Variants in MED23 observed in about 807,000 individuals in gnomAD.
MED23 encodes mediator complex subunit 23.
MED23 carries 105 observed loss-of-function variants against 163.9 expected under a neutral mutation model. That is an observed-to-expected ratio of 0.64 (90% CI 0.55 to 0.75). The LOEUF is 0.75. MED23 is among the 30% of genes least tolerant of loss of function. The pLI, the probability that MED23 is intolerant of heterozygous loss-of-function variation, is 0.00. For synonymous variants in MED23, 561 were observed against 565.6 expected (o/e 0.99, Z 0.12); for missense variants, 1,054 against 1,649.0 (o/e 0.64, Z 6.25).
At chr6:131,589,963 T>C (rs1774476216) in intron 27 of MED23, among the ~76,000 whole-genome samples, 1 of 152,220 alleles carries the variant, frequency 6.6e-6, no homozygotes, top group African/African-American at 2.4e-5. Context: ...TAGCTCTTGC[T>C]TTAAGGTTCT....
chr6:131,608,123 A>G (rs777467337), intron 11 of MED23, 52 bp from the exon 12 acceptor site: 13 of 1,596,814 alleles, frequency 8.1e-6, no homozygotes, highest in Non-Finnish European at 1.1e-5. Flanking sequence ...AAAGAGATGA[A>G]TACAGGAAGT....
chr6:131,625,904 T>C (rs1777454011), intron 3 of MED23, among the ~76,000 whole-genome samples: 1 of 151,798 alleles, frequency 6.6e-6, no homozygotes, highest in Non-Finnish European at 1.5e-5. Context: ...GGGCAGATCA[T>C]GAGGTCGGGA....
intron 30 of MED23, among the ~76,000 whole-genome samples, chr6:131,580,500 G>A (rs1773863655): frequency 1.3e-5 from 2 of 152,138 alleles, no homozygotes; most frequent in Non-Finnish European, 2.9e-5. Flanking sequence ...AAAAGTAATT[G>A]CAGTTTTTAA....
intron 6 of MED23, among the ~76,000 whole-genome samples, chr6:131,621,165 G>A (rs181306962): frequency 3.3e-5 from 5 of 152,224 alleles, no homozygotes; most frequent in African/African-American, 7.2e-5. Flanking sequence ...AAGTAGAGAT[G>A]TTACTTTCTG....
Position 131,595,985 on chromosome 6 carries a change from G to A in MED23, c.2957C>T (p.Thr986Ile). ...ELLPVSKSLE[T>I]LLDHLGGLYK... is the part of the protein sequence containing the mutation. ...TAAGCCTCCTAGATGATCCAGTAGA[G>A]TCTCCAGTGATTTGGATACCGGAAG... is the stretch of plus-strand genomic sequence containing the variant. The change falls in exon 22 of 29, where the codon ACT becomes ATT. Residue 986 changes from threonine to isoleucine, a missense_variant. Transcript: ENST00000368068. 6.2e-7 allele frequency: 1 copy of A among 1,614,030 alleles called. No homozygotes were observed. Among genetic ancestry groups the A allele is most frequent in the Non-Finnish European group, 8.5e-7 (1 of 1,179,948 alleles).
intron 26 of MED23, among the ~76,000 whole-genome samples, chr6:131,590,984 A>ATT (rs72014572): frequency 7.6e-6 from 1 of 130,886 alleles, no homozygotes; most frequent in Non-Finnish European, 1.7e-5. Flanking sequence ...ATGAAATACA[A>ATT]TTTTTTTTTT....
chr6:131,616,596 A>G (rs1028497757), intron 9 of MED23, among the ~76,000 whole-genome samples: 2 of 152,154 alleles, frequency 1.3e-5, no homozygotes, highest in African/African-American at 4.8e-5. Flanking sequence ...AGATGGGAAG[A>G]TCTCTTGAGC....
rs564496405 is a variant in MED23, at chr6:131,608,076, A to G, written c.1078-5T>C. ...AATCAGTCCTCGCCCTGCTAACTAT[A>G]AAAGATGTTTAAATACACATGTATA... On this transcript the variant is annotated splice_polypyrimidine_tract_variant and splice_region_variant and intron_variant, in intron 11 of 28. Transcript: ENST00000368068. 1 of 1,613,568 alleles carries G rather than the reference A, an allele frequency of 6.2e-7. No homozygotes were observed. The highest frequency in any genetic ancestry group is 1.3e-5 in the African/African-American group (1 of 75,022).
intron 27 of MED23, among the ~76,000 whole-genome samples, chr6:131,590,037 T>C (rs1352990500): frequency 6.6e-6 from 1 of 152,224 alleles, no homozygotes; most frequent in Non-Finnish European, 1.5e-5. Flanking sequence ...TCCATTCTCA[T>C]GATTTTAATT....
Position 131,591,550 on chromosome 6 carries a change from G to C in MED23, c.3472-23C>G, listed in dbSNP as rs543633666. The C allele has an allele frequency of 1.2e-4, 182 of 1,545,206 alleles. 2 individuals are homozygous for C. In the South Asian group the frequency reaches 1.9e-3, roughly 16 times the overall value. ...CTCCTTTAAAATCGGAGGAAAGCTAGTGAAAAATATCACTTATCCAGCATT... is the reference window on the plus strand; with the variant it reads ...CTCCTTTAAAATCGGAGGAAAGCTACTGAAAAATATCACTTATCCAGCATT... On this transcript the variant is annotated intron_variant, in intron 25 of 28. Coordinates refer to ENST00000368068, the MANE Select transcript of MED23 (RefSeq NM_004830.4).
chr6:131,603,313 A>C (rs1775618687), intron 15 of MED23, 109 bp from the exon 16 acceptor site: 10 of 972,428 alleles, frequency 1.0e-5, no homozygotes, highest in Non-Finnish European at 1.5e-5. Context: ...GTGAAAATAC[A>C]CACGCCCACA....
In MED23 at chr6:131,589,447, T is replaced by C; in HGVS notation, c.3939+18A>G. The C allele has an allele frequency of 6.2e-7, 1 of 1,603,344 alleles. No homozygotes were observed. The highest frequency in any genetic ancestry group is 8.5e-7 in the Non-Finnish European group (1 of 1,173,326). On this transcript the variant is annotated intron_variant, in intron 28 of 28. Transcript: ENST00000368068. ...TAAATTAAACATCATTAAAAATAATTAAACAAATTCAACTTACTTGCTCTT... is the reference window on the plus strand; with the variant it reads ...TAAATTAAACATCATTAAAAATAATCAAACAAATTCAACTTACTTGCTCTT...
chr6:131,602,018 T>C (rs911914007), intron 17 of MED23, among the ~76,000 whole-genome samples, 200 bp downstream of exon 17: 1 of 152,210 alleles, frequency 6.6e-6, no homozygotes, highest in Admixed American at 6.5e-5. Flanking sequence ...CTGAAAACGA[T>C]GCTCAACGCA....
chr6:131,618,374 G>T (rs1237195450), intron 9 of MED23, 33 bp downstream of exon 9: 1 of 1,403,564 alleles, frequency 7.1e-7, no homozygotes, highest in Non-Finnish European at 1.0e-6. Flanking sequence ...ACTGTCAGAT[G>T]GACTAAAAGT....
chr6:131,583,226 AAAGT>A, downstream of MED23: 1 of 1,597,218 alleles, frequency 6.3e-7, no homozygotes, highest in African/African-American at 1.3e-5. Flanking sequence ...ACTGACAACC[AAAGT>A]TATTAATAAA....
At chr6:131,619,316 T>C (rs1212325576) in intron 8 of MED23, among the ~76,000 whole-genome samples, 1 of 152,208 alleles carries the variant, frequency 6.6e-6, no homozygotes, top group African/African-American at 2.4e-5. Flanking sequence ...GAGGTCACCA[T>C]GATTTCTAGA....
downstream of MED23, chr6:131,583,932 C>T (rs749799579): frequency 8.1e-6 from 13 of 1,610,448 alleles, no homozygotes; most frequent in Admixed American, 1.0e-4. Flanking sequence ...CGATATAAAT[C>T]TCATAGTTAA....
intron 10 of MED23, among the ~76,000 whole-genome samples, chr6:131,615,503 C>CAA (rs917020235): frequency 0.016 from 231 of 14,122 alleles, 47 homozygotes; most frequent in African/African-American, 0.036. Flanking sequence ...AAACACACAC[C>CAA]AAAAAAAAAA....
rs879759358 is a variant in MED23 at position 131,578,869 on chromosome 6, G to C, written c.4096-4574C>G. ...TACATTTTGGTGTCTAGTTTAACTG[G>C]ATGGATTCAAGAAGTGTTCACTGAG... On this transcript the variant is annotated intron_variant, in intron 30 of 30. Transcript: ENST00000354577. Among the ~76,000 whole-genome samples, 3 of 152,210 alleles carry C rather than the reference G, an allele frequency of 2.0e-5. No homozygotes were observed. The East Asian group carries it at 5.8e-4, about 29-fold the overall frequency.
Sources: allele counts gnomAD v4.1 joint callset (sites outside exome capture counted in the v4.1 genomes callset), GRCh38; gene constraint gnomAD v4.1.1; transcripts MANE v1.5; gene names NCBI Gene and HGNC (gene_info 2026-07-23, HGNC 2026-07-21).